Variants in CRX observed in about 807,000 individuals in gnomAD.
CRX encodes cone-rod homeobox, also known as cone-rod homeobox protein.
CRX carries 5 observed loss-of-function variants against 13.1 expected under a neutral mutation model. The ratio of observed to expected loss-of-function variants is 0.38; its 90% CI spans 0.20 to 0.80. CRX has a LOEUF of 0.80. Among genes scored for constraint, CRX ranks in the 30% least tolerant of loss-of-function variants. CRX has a pLI of 0.43. For synonymous variants in CRX, 179 were observed against 171.1 expected, an observed-to-expected ratio of 1.05 and a Z score of -0.36; for missense variants, 351 against 391.8, an observed-to-expected ratio of 0.90 and a Z score of 0.88.
chr19:47,834,389 TC>T lies in CRX; in HGVS notation c.-35-17del. ...TGAGTAACTGGTAAGTGAGTGAGCA[TC>T]CCTCCTCTTCTCTTGCAGGCCCCCT... On this transcript the variant is annotated intron_variant, in intron 1 of 3. Transcript: ENST00000221996. 2.3e-6 allele frequency: 3 copies of T among 1,323,276 alleles called. No homozygotes were observed. The highest frequency in any genetic ancestry group is 3.3e-6 in the Non-Finnish European group (3 of 914,306). The allele number at this position is 1,323,276 out of a possible 1,614,324, so 82.0% of individuals were successfully genotyped here.
chr19:47,839,789 C>A lies in CRX; in HGVS notation c.722C>A (p.Ser241Tyr). The A allele has an allele frequency of 6.2e-7, 1 of 1,614,174 alleles. No individual in the cohort carries two copies. Among genetic ancestry groups the A allele is most frequent in the South Asian group, 1.1e-5 (1 of 91,088 alleles). ...GPALSPLSGP[S>Y]VGPSLAQSPT... is the part of the protein sequence containing the mutation. The stretch of plus-strand genomic sequence containing the variant: ...GCTCTTAGCCCCCTCTCTGGCCCCT[C>A]CGTGGGACCTTCCCTGGCCCAGTCC... Residue 241 changes from serine to tyrosine, a missense_variant, in exon 4 of 4, where the codon TCC becomes TAC. Around this residue, in one of 3 missense-constraint regions of CRX, gnomAD observed 253 missense variants for 268.3 expected, o/e 0.94. Coordinates refer to ENST00000221996, the MANE Select transcript of CRX (RefSeq NM_000554.6). This position sits in a 1 kb window ranked among gnomAD's most constrained non-coding sequence, Gnocchi z 4.6.
intron 1 of CRX, among the ~76,000 whole-genome samples, chr19:47,833,247 G>A (rs1277953072): frequency 3.3e-5 from 5 of 150,020 alleles, no homozygotes; most frequent in Non-Finnish European, 5.9e-5. Flanking sequence ...CCTTACTGTC[G>A]TTTTTTTGTT....
In CRX at chr19:47,840,595, G is replaced by C. The variant is rs973503309; in HGVS notation, c.*628G>C. On this transcript the variant is annotated 3_prime_UTR_variant, in exon 4 of 4. Transcript: ENST00000221996. Reference sequence around the variant, plus strand: ...TTTTTTTGTATTTTTAGTAGAGACGGGGTTTCACCGTGTTAGCCAGGATGG... The same window carrying C: ...TTTTTTTGTATTTTTAGTAGAGACGCGGTTTCACCGTGTTAGCCAGGATGG... 3 of 152,662 alleles carry C rather than the reference G, an allele frequency of 2.0e-5. No homozygotes were observed. The highest frequency in any genetic ancestry group is 4.4e-5 in the Non-Finnish European group (3 of 68,572). 9.5% of individuals were successfully genotyped at this position (152,662 alleles called of 1,614,324 possible).
chr19:47,829,889 C>T (rs142737740), intron 1 of CRX, among the ~76,000 whole-genome samples: 1,777 of 151,712 alleles, frequency 0.012, 39 homozygotes, highest in African/African-American at 0.04. Context: ...CCCACCTTGA[C>T]CTCCCAAAGT....
chr19:47,832,103 A>ATTTTTTTTTTTT lies in CRX; in HGVS notation c.-35-2305_-35-2304insTTTTTTTTTTTT, dbSNP rs1968054388. Among the ~76,000 whole-genome samples the ATTTTTTTTTTTT allele has an allele frequency of 1.2e-3, 65 of 55,162 alleles. 2 individuals carry two copies. The highest frequency in any genetic ancestry group is 2.0e-3 in the Non-Finnish European group (50 of 24,634). The allele number at this position is 55,162 out of a possible 152,430, so 36.2% of individuals were successfully genotyped here. Reference sequence around the variant, plus strand: ...TAAAATCAGTTCAGAGAGCAGCCTTATGTTTTTTTTTTTTTTTTTTGAGAC... The same window carrying ATTTTTTTTTTTT: ...TAAAATCAGTTCAGAGAGCAGCCTTATTTTTTTTTTTTTGTTTTTTTTTTTTTTTTTTGAGAC... On this transcript the variant is annotated intron_variant, in intron 1 of 3. Coordinates refer to ENST00000221996, the MANE Select transcript of CRX (RefSeq NM_000554.6).
chr19:47,834,099 G>A (rs542833863), intron 1 of CRX, among the ~76,000 whole-genome samples: 30 of 152,090 alleles, frequency 2.0e-4, no homozygotes, highest in African/African-American at 7.2e-4. Flanking sequence ...CCAAAGTGCT[G>A]GGATGACAGA....
chr19:47,835,430 G>C (rs536529620), intron 2 of CRX, among the ~76,000 whole-genome samples: 4 of 151,220 alleles, frequency 2.6e-5, no homozygotes, highest in South Asian at 2.1e-4. Flanking sequence ...TCCTGCCCAG[G>C]CTGGAGTGCA....
rs559042370 is a variant in CRX, at chr19:47,839,699, C to T, written c.632C>T (p.Pro211Leu). 29 of 1,613,976 alleles carry T rather than the reference C, an allele frequency of 1.8e-5. No individual in the cohort carries two copies. The highest frequency in any genetic ancestry group is 1.6e-4 in the Middle Eastern group (1 of 6,062). Residue 211 changes from proline to leucine, a missense_variant, in exon 4 of 4, where the codon CCG (proline) becomes CTG (leucine). Physicochemically the swap from Pro to Leu is moderately conservative, Grantham distance 98. This residue lies in a region of CRX where 253 missense variants were observed against 268.3 expected (regional missense o/e 0.94). Coordinates refer to ENST00000221996, the MANE Select transcript of CRX (RefSeq NM_000554.6). The surrounding 1 kb of genome is among the most constrained non-coding windows in gnomAD (Gnocchi z 4.6). Reference sequence around the variant, plus strand: ...TCTTCCCCCTCCGCCTATGGGTCTCCGAGCTCCTATTTCAGCGGCCTAGAC... The same window carrying T: ...TCTTCCCCCTCCGCCTATGGGTCTCTGAGCTCCTATTTCAGCGGCCTAGAC... ...FCSSPSAYGS[P>L]SSYFSGLDPY...
chr19:47,839,284 C>T lies in CRX; in HGVS notation c.253-36C>T, dbSNP rs1968159574. The T allele has an allele frequency of 9.4e-6, 15 of 1,601,352 alleles. No homozygotes were observed. Among genetic ancestry groups the T allele is most frequent in the Non-Finnish European group, 1.2e-5 (14 of 1,174,386 alleles). Reference sequence around the variant, plus strand: ...CTGCGGCTCTCCTGGGCCTCTTCCCCACTTACCCACCCCCATCTCCGCTCT... The same window carrying T: ...CTGCGGCTCTCCTGGGCCTCTTCCCTACTTACCCACCCCCATCTCCGCTCT... On this transcript the variant is annotated intron_variant, in intron 3 of 3. Coordinates refer to ENST00000221996, the MANE Select transcript of CRX (RefSeq NM_000554.6). The surrounding 1 kb of genome is among the most constrained non-coding windows in gnomAD (Gnocchi z 4.6).
chr19:47,833,966 T>C (rs117498809), intron 1 of CRX, among the ~76,000 whole-genome samples: 3,277 of 150,860 alleles, frequency 0.022, 56 homozygotes, highest in Middle Eastern at 0.035. Flanking sequence ...CAGGCATGCA[T>C]CACCACACCC....
At chr19:47,835,911 G>A (rs949236960) in intron 2 of CRX, among the ~76,000 whole-genome samples, 2 of 152,058 alleles carry the variant, frequency 1.3e-5, no homozygotes, top group Non-Finnish European at 2.9e-5. Context: ...GTGAGCCACC[G>A]CACCCAGCCC....
Position 47,836,355 on chromosome 19 carries a change from G to A in CRX, c.213G>A (p.Glu71=), listed in dbSNP as rs185420673. 33 of 1,614,206 alleles carry A rather than the reference G, an allele frequency of 2.0e-5. No individual in the cohort carries two copies. The East Asian group carries it at 7.4e-4, about 36-fold the overall frequency. The part of the protein sequence containing the change: ...TQYPDVYARE[E]VALKINLPES... The stretch of plus-strand genomic sequence containing the variant: ...ACCCAGACGTCTATGCCCGTGAGGA[G>A]GTGGCTCTGAAGATCAATCTGCCTG... Residue 71 remains glutamate (E), a synonymous_variant, in exon 3 of 4, where the codon GAG becomes GAA. Coordinates refer to ENST00000221996, the MANE Select transcript of CRX (RefSeq NM_000554.6).
rs567851258 is a variant in CRX at position 47,839,762 on chromosome 19, C to T, written c.695C>T (p.Pro232Leu). The change falls in exon 4 of 4, where the codon CCG (proline) becomes CTG (leucine). Residue 232 changes from proline to leucine, a missense_variant. Transcript: ENST00000221996. The surrounding 1 kb of genome is among the most constrained non-coding windows in gnomAD (Gnocchi z 4.6). ...LSPMVPQLGG[P>L]ALSPLSGPSV... ...CCCATGGTGCCCCAGCTAGGGGGCC[C>T]GGCTCTTAGCCCCCTCTCTGGCCCC... The T allele has an allele frequency of 1.3e-5, 21 of 1,614,108 alleles. No homozygotes were observed. The highest frequency in any genetic ancestry group is 5.3e-5 in the African/African-American group (4 of 75,046).
chr19:47,833,364 C>A (rs946982836), intron 1 of CRX, among the ~76,000 whole-genome samples: 1 of 151,994 alleles, frequency 6.6e-6, no homozygotes, highest in African/African-American at 2.4e-5. Flanking sequence ...TCACTGCAAC[C>A]TCTGCCTCCC....
At chr19:47,832,105 G>GTTTT (rs71180891) in intron 1 of CRX, among the ~76,000 whole-genome samples, 1 of 91,988 alleles carries the variant, frequency 1.1e-5, no homozygotes, top group Non-Finnish European at 2.1e-5. Context: ...GCAGCCTTAT[G>GTTTT]TTTTTTTTTT....
chr19:47,828,669 A>G (rs985043969), intron 1 of CRX, among the ~76,000 whole-genome samples: 3 of 147,514 alleles, frequency 2.0e-5, no homozygotes, highest in Admixed American at 1.4e-4. Flanking sequence ...TTCTCTGGGG[A>G]AAGTAGCTGA....
intron 1 of CRX, among the ~76,000 whole-genome samples, chr19:47,823,103 T>C (rs1190149009): frequency 6.6e-6 from 1 of 152,106 alleles, no homozygotes; most frequent in Non-Finnish European, 1.5e-5. Flanking sequence ...GCCGGTCTCC[T>C]GCAAAACTCT....
At chr19:47,826,530 A>G (rs1466332173) in intron 1 of CRX, among the ~76,000 whole-genome samples, 1 of 152,062 alleles carries the variant, frequency 6.6e-6, no homozygotes, top group Non-Finnish European at 1.5e-5. Context: ...GCTTGAGCTC[A>G]GGAGGTCGAG....
chr19:47,842,629 G>A lies in CRX; in HGVS notation c.*2662G>A, dbSNP rs1282735600. On this transcript the variant is annotated 3_prime_UTR_variant, in exon 4 of 4. Coordinates refer to ENST00000221996, the MANE Select transcript of CRX (RefSeq NM_000554.6). The stretch of plus-strand genomic sequence containing the variant: ...AACCCAGGAGTGGCTCAAGAGTCCA[G>A]TGTGGGATGAAAATATAAACAGAGG... 4.6e-5 allele frequency: 7 copies of A among 152,116 alleles called. No individual in the cohort carries two copies. The highest frequency in any genetic ancestry group is 1.7e-4 in the African/African-American group (7 of 41,428). 9.4% of individuals were successfully genotyped at this position (152,116 alleles called of 1,614,324 possible).
Sources: allele counts gnomAD v4.1 joint callset (sites outside exome capture counted in the v4.1 genomes callset), GRCh38; gene constraint gnomAD v4.1.1; regional missense constraint gnomAD v4.1.1; non-coding constraint Gnocchi (gnomAD v3.1); transcripts MANE v1.5; gene names NCBI Gene and HGNC (gene_info 2026-07-23, HGNC 2026-07-21).